Variants in CRYZL1 observed in about 807,000 individuals in gnomAD.
CRYZL1 encodes crystallin zeta like 1, also known as ferry endosomal RAB5 effector complex subunit 4.
Under a neutral mutation model 50.6 loss-of-function variants are expected in CRYZL1, and 34 were observed. That is an observed-to-expected ratio of 0.67 (90% CI 0.51 to 0.89). The LOEUF is 0.89. Ranked by LOEUF, CRYZL1 falls within the 40% of genes least tolerant of loss-of-function variation. The probability of loss-of-function intolerance (pLI) is 0.00; values close to 1 mark genes in which losing one functional copy is unlikely to be tolerated. For missense variants in CRYZL1, 354 were observed against 402.3 expected, an observed-to-expected ratio of 0.88 and a Z score of 1.03; for synonymous variants, 125 against 134.3, an observed-to-expected ratio of 0.93 and a Z score of 0.48.
At chr21:33,595,372 T>A in intron 11 of CRYZL1, 1 of 1,309,836 alleles carries the variant, frequency 7.6e-7, no homozygotes, top group Non-Finnish European at 1.0e-6. Context: ...AGGTGATGTG[T>A]GCTTTCCTTA....
chr21:33,616,338 G>C (rs1165261309), intron 5 of CRYZL1: 1 of 156,854 alleles, frequency 6.4e-6, no homozygotes, highest in Admixed American at 6.5e-5. Flanking sequence ...TCTTGCCCAG[G>C]CTGGAGTGCA....
At chr21:33,609,261 A>C (rs1371759149) in intron 6 of CRYZL1, among the ~76,000 whole-genome samples, 1 of 152,010 alleles carries the variant, frequency 6.6e-6, no homozygotes, top group Admixed American at 6.6e-5. Context: ...ATTTTCCCCC[A>C]GTCTGTAGGC....
In CRYZL1 at chr21:33,616,080, C is replaced by G. The variant is rs561418606; in HGVS notation, c.262+626G>C. Among the ~76,000 whole-genome samples, 72 of 152,158 alleles carry G rather than the reference C, an allele frequency of 4.7e-4. 1 individual carries two copies. The South Asian group carries it at 0.011, about 24-fold the overall frequency. On this transcript the variant is annotated intron_variant, in intron 5 of 12. Coordinates refer to ENST00000381554, the MANE Select transcript of CRYZL1 (RefSeq NM_145858.3). Reference sequence around the variant, plus strand: ...ATATCTCCCAATGCTATCCCTCCCCCCCCCAACCCCACCACAGTCCCCAGA... The same window carrying G: ...ATATCTCCCAATGCTATCCCTCCCCGCCCCAACCCCACCACAGTCCCCAGA...
At position 33,603,508 on chromosome 21, in the gene CRYZL1, C is replaced by G. The variant is rs2086777790; in HGVS notation, c.361G>C (p.Glu121Gln). ...VHKPEKVTWT[E>Q]AAGSIRDGVR... ...CCATCCCGAATGCTTCCTGCTGCTT[C>G]CGTCCATGTGACCTTTTCTGGTTTA... Residue 121 changes from glutamate (E) to glutamine (Q), a missense_variant, in exon 7 of 13, where the codon GAA (glutamate) becomes CAA (glutamine). Glu to Gln is a conservative substitution (Grantham distance 29, BLOSUM62 2). Coordinates refer to ENST00000381554, the MANE Select transcript of CRYZL1 (RefSeq NM_145858.3). 3 of 1,614,180 alleles carry G rather than the reference C, an allele frequency of 1.9e-6. No homozygotes were observed. The highest frequency in any genetic ancestry group is 1.3e-5 in the African/African-American group (1 of 75,052).
At chr21:33,618,216 G>A (rs1019076247) in intron 4 of CRYZL1, among the ~76,000 whole-genome samples, 1 of 148,866 alleles carries the variant, frequency 6.7e-6, no homozygotes, top group Non-Finnish European at 1.5e-5. Context: ...GTGAACCTGG[G>A]AGGCGGAGCT....
At chr21:33,592,107 TG>T (rs1285659852) in intron 11 of CRYZL1, among the ~76,000 whole-genome samples, 2 of 150,860 alleles carry the variant, frequency 1.3e-5, no homozygotes, top group South Asian at 2.1e-4. Context: ...CTATTTTTTT[TG>T]TTTTTTTTAT....
intron 11 of CRYZL1, chr21:33,595,417 T>A: frequency 7.4e-7 from 1 of 1,343,826 alleles, no homozygotes; most frequent in Non-Finnish European, 9.9e-7. Context: ...CCAGGTATCT[T>A]AGGGCTCATC....
rs190929708 is a variant in CRYZL1 at position 33,606,587 on chromosome 21, T to C, written c.332-3050A>G. On this transcript the variant is annotated intron_variant, in intron 6 of 12. Coordinates refer to ENST00000381554, the MANE Select transcript of CRYZL1 (RefSeq NM_145858.3). ...GTTGCGGTGAGCTGAGATCGCGCCA[T>C]TGCACTCCAGACTAGGTGACAGGGC... Among the ~76,000 whole-genome samples, 528 of 151,770 alleles carry C rather than the reference T, an allele frequency of 3.5e-3. 3 individuals carry two copies. The highest frequency in any genetic ancestry group is 0.012 in the African/African-American group (499 of 41,378).
intron 11 of CRYZL1, 80 bp from the exon 12 acceptor site, chr21:33,591,287 G>T: frequency 8.8e-7 from 1 of 1,139,528 alleles, no homozygotes; most frequent in Non-Finnish European, 1.3e-6. Context: ...TGCCAGGCAG[G>T]CCACTTTCTC....
At position 33,624,613 on chromosome 21, in the gene CRYZL1, G is replaced by A. The variant is rs114404532; in HGVS notation, c.144+70C>T. On this transcript the variant is annotated intron_variant, in intron 3 of 12. Transcript: ENST00000381554. ...TCTTCACATTGAGAGGTCAGTTATC[G>A]TTATATTTATACACTAAATACACTA... The A allele has an allele frequency of 1.5e-3, 2,376 of 1,562,660 alleles. 36 individuals are homozygous for A. In the African/African-American group the frequency reaches 0.03, roughly 20 times the overall value.
At chr21:33,611,394 A>C in intron 6 of CRYZL1, among the ~76,000 whole-genome samples, 1 of 152,198 alleles carries the variant, frequency 6.6e-6, no homozygotes, top group East Asian at 1.9e-4. Context: ...TTTTTAATAA[A>C]ATAATAAAGT....
At chr21:33,621,660 T>C (rs1222273556) in intron 4 of CRYZL1, among the ~76,000 whole-genome samples, 1 of 152,098 alleles carries the variant, frequency 6.6e-6, no homozygotes, top group Non-Finnish European at 1.5e-5. Context: ...CATAATGTTT[T>C]AAGAAAATTC....
intron 1 of CRYZL1, among the ~76,000 whole-genome samples, chr21:33,635,156 G>A (rs2087189603): frequency 6.6e-6 from 1 of 151,738 alleles, no homozygotes; most frequent in African/African-American, 2.4e-5. Flanking sequence ...CTAGGAAAAT[G>A]GTAGAATGGA....
chr21:33,621,116 A>G (rs1230543236), intron 4 of CRYZL1, among the ~76,000 whole-genome samples: 1 of 149,314 alleles, frequency 6.7e-6, no homozygotes, highest in Non-Finnish European at 1.5e-5. Flanking sequence ...CGTGTTAGCC[A>G]GGATGGTCTC....
intron 1 of CRYZL1, among the ~76,000 whole-genome samples, chr21:33,634,049 T>C (rs2087171867): frequency 6.6e-6 from 1 of 152,208 alleles, no homozygotes; most frequent in Admixed American, 6.5e-5. Flanking sequence ...CAGAAATGAA[T>C]ACACATTCAA....
At chr21:33,639,348 A>C (rs1187008905) in intron 1 of CRYZL1, among the ~76,000 whole-genome samples, 2 of 152,244 alleles carry the variant, frequency 1.3e-5, no homozygotes, top group Non-Finnish European at 2.9e-5. Flanking sequence ...ATGATCCAGA[A>C]CAACAGAAAC....
At chr21:33,593,853 C>T (rs1410995031) in intron 11 of CRYZL1, among the ~76,000 whole-genome samples, 12 of 151,598 alleles carry the variant, frequency 7.9e-5, no homozygotes, top group African/African-American at 2.4e-4. Context: ...GGCGTGGTGG[C>T]GCATGTCTGT....
At chr21:33,612,961 T>TTA (rs2086889636) in intron 6 of CRYZL1, among the ~76,000 whole-genome samples, 1 of 152,088 alleles carries the variant, frequency 6.6e-6, no homozygotes, top group Non-Finnish European at 1.5e-5. Flanking sequence ...GTAGCTGGAA[T>TTA]TATAGGTGCG....
chr21:33,595,165 G>T, intron 11 of CRYZL1: 1 of 1,076,362 alleles, frequency 9.3e-7, no homozygotes, highest in South Asian at 2.6e-5. Context: ...TTACTCAACT[G>T]GAATGATTTG....
Sources: allele counts gnomAD v4.1 joint callset (sites outside exome capture counted in the v4.1 genomes callset), GRCh38; gene constraint gnomAD v4.1.1; transcripts MANE v1.5; gene names NCBI Gene and HGNC (gene_info 2026-07-23, HGNC 2026-07-21).